ANK2: variants seen among roughly 807,000 people sequenced by gnomAD.
ANK2 encodes ankyrin 2, also known as ankyrin-2.
Under a neutral mutation model 360.5 loss-of-function variants are expected in ANK2, and 83 were observed. The ratio of observed to expected loss-of-function variants is 0.23; its 90% CI spans 0.19 to 0.28. The LOEUF is 0.28. Ranked by LOEUF, ANK2 falls within the 10% of genes least tolerant of loss-of-function variation. The pLI, the probability that ANK2 is intolerant of heterozygous loss-of-function variation, is 1.00. For synonymous variants in ANK2, 1,740 were observed against 1,759.5 expected, an observed-to-expected ratio of 0.99 and a Z score of 0.28; for missense variants, 4,201 against 4,795.7, an observed-to-expected ratio of 0.88 and a Z score of 3.66.
rs573331314 is a variant in ANK2 at position 113,140,907 on chromosome 4, G to A, written c.85-33509G>A. ...GCAGGAGAATCACTTGAACCCAGGA[G>A]GCGGAGGTTGCAATGAGCCAAGGTT... On this transcript the variant is annotated intron_variant, in intron 1 of 45. Transcript: ENST00000357077. 5.9e-5 allele frequency among the ~76,000 whole-genome samples: 9 copies of A among 152,142 alleles called. No individual in the cohort carries two copies. In the South Asian group the frequency reaches 1.2e-3, roughly 21 times the overall value.
chr4:113,100,195 G>C (rs1039990842), intron 1 of ANK2, among the ~76,000 whole-genome samples: 22 of 152,026 alleles, frequency 1.4e-4, no homozygotes, highest in Admixed American at 9.2e-4. Flanking sequence ...CAAGCCACAG[G>C]CTACAAGAAA....
chr4:113,156,823 C>T (rs188115513), intron 1 of ANK2, among the ~76,000 whole-genome samples: 30 of 149,872 alleles, frequency 2.0e-4, no homozygotes, highest in South Asian at 1.1e-3. Flanking sequence ...TATGTGTGTG[C>T]GTGCACACTT....
chr4:112,762,656 T>C, the ANK2 span, among the ~76,000 whole-genome samples: 30 of 152,248 alleles, frequency 2.0e-4, no homozygotes, highest in South Asian at 6.2e-3. Flanking sequence ...ACTACAGGCC[T>C]GCGCCACCAT....
chr4:112,851,078 A>G (rs2064867964), intron 1 of ANK2, among the ~76,000 whole-genome samples: 1 of 152,182 alleles, frequency 6.6e-6, no homozygotes, highest in Admixed American at 6.5e-5. Context: ...GTAGAGGGAT[A>G]CACTAGAAGT....
the ANK2 span, among the ~76,000 whole-genome samples, chr4:112,734,453 C>G: frequency 2.6e-5 from 4 of 152,112 alleles, no homozygotes; most frequent in African/African-American, 7.2e-5. Context: ...TTTCCTGTGT[C>G]CAGAGTCATT....
In ANK2 at chr4:112,957,380, A is replaced by G. The variant is rs561764425; in HGVS notation, c.21+52866A>G. 3.3e-5 allele frequency among the ~76,000 whole-genome samples: 5 copies of G among 152,368 alleles called. No homozygotes were observed. In the East Asian group the frequency reaches 9.6e-4, roughly 29 times the overall value. Reference sequence around the variant, plus strand: ...ACAAGGCAGAAGAATTTTTCTTAGTACAGAACAAAATGAAAAGTCTCCCAT... The same window carrying G: ...ACAAGGCAGAAGAATTTTTCTTAGTGCAGAACAAAATGAAAAGTCTCCCAT... On this transcript the variant is annotated intron_variant, in intron 2 of 30. Transcript: ENST00000503271.
chr4:112,893,712 C>A (rs75876568), intron 1 of ANK2, among the ~76,000 whole-genome samples: 6,409 of 152,216 alleles, frequency 0.042, 434 homozygotes, highest in East Asian at 0.3. Flanking sequence ...CAAGGTCATG[C>A]AGGCCAGGTG....
chr4:113,343,440 T>C (rs2094497556), intron 34 of ANK2, among the ~76,000 whole-genome samples: 1 of 152,214 alleles, frequency 6.6e-6, no homozygotes. Flanking sequence ...TTATCTATTA[T>C]AACTTTTAAA....
intron 5 of ANK2, among the ~76,000 whole-genome samples, chr4:113,235,268 A>G (rs2099362651): frequency 6.6e-6 from 1 of 152,104 alleles, no homozygotes; most frequent in Non-Finnish European, 1.5e-5. Context: ...AAAGTTCTAA[A>G]TTCAGGCTAC....
At chr4:113,336,514 G>A in intron 30 of ANK2, 63 bp from the exon 31 acceptor site, 1 of 1,387,526 alleles carries the variant, frequency 7.2e-7, no homozygotes, top group Admixed American at 2.2e-5. Context: ...TAAGTATAAT[G>A]ATTCATTCTT....
intron 1 of ANK2, among the ~76,000 whole-genome samples, chr4:112,856,225 A>G (rs1427059618): frequency 1.3e-5 from 2 of 152,250 alleles, no homozygotes; most frequent in African/African-American, 2.4e-5. Flanking sequence ...GCGTGAAAGT[A>G]CAGCAATTTA....
At chr4:113,340,061 G>A (rs2094086832) in intron 32 of ANK2, among the ~76,000 whole-genome samples, 1 of 152,188 alleles carries the variant, frequency 6.6e-6, no homozygotes, top group Non-Finnish European at 1.5e-5. Flanking sequence ...TGGGTGTGGT[G>A]GCACATGTTT....
chr4:112,723,802 CACAGGA>C, the ANK2 span, among the ~76,000 whole-genome samples: 1 of 152,144 alleles, frequency 6.6e-6, no homozygotes, highest in Admixed American at 6.5e-5. Context: ...AGATGATGAT[CACAGGA>C]ACAAACAAAT....
chr4:112,932,703 C>T (rs2093377592), intron 2 of ANK2, among the ~76,000 whole-genome samples: 1 of 151,880 alleles, frequency 6.6e-6, no homozygotes, highest in Non-Finnish European at 1.5e-5. Flanking sequence ...TCCCAGATTA[C>T]TACCTATAAT....
intron 1 of ANK2, among the ~76,000 whole-genome samples, chr4:113,056,582 C>T (rs1311141829): frequency 2.6e-5 from 4 of 152,070 alleles, no homozygotes; most frequent in African/African-American, 9.7e-5. Context: ...AATAAAGTTA[C>T]CATTTCAATT....
At chr4:112,816,127 G>A (rs995522580), upstream of ANK2, among the ~76,000 whole-genome samples, 2 of 152,148 alleles carry the variant, frequency 1.3e-5, no homozygotes, top group African/African-American at 4.8e-5. Context: ...AACCTGTGGT[G>A]TCTGCGTTAA....
chr4:113,151,291 G>C (rs952622087), intron 1 of ANK2: 1 of 472,876 alleles, frequency 2.1e-6, no homozygotes, highest in Non-Finnish European at 3.4e-6. Context: ...CCGAAGCTGG[G>C]TAATTTATAA....
At chr4:113,217,679 G>A (rs113019945) in intron 4 of ANK2, among the ~76,000 whole-genome samples, 2 of 152,190 alleles carry the variant, frequency 1.3e-5, no homozygotes, top group South Asian at 2.1e-4. Flanking sequence ...CTGACAGGAG[G>A]TGGAGCTCAG....
intron 45 of ANK2, among the ~76,000 whole-genome samples, chr4:113,374,103 T>C (rs2096841728): frequency 6.6e-6 from 1 of 152,142 alleles, no homozygotes; most frequent in African/African-American, 2.4e-5. Flanking sequence ...TTTGTATTTT[T>C]AGTAGAAACA....
Sources: allele counts gnomAD v4.1 joint callset (sites outside exome capture counted in the v4.1 genomes callset), GRCh38; gene constraint gnomAD v4.1.1; transcripts MANE v1.5; gene names NCBI Gene and HGNC (gene_info 2026-07-23, HGNC 2026-07-21).